ZNF469: variants seen among roughly 807,000 people sequenced by gnomAD.
ZNF469 encodes the protein zinc finger protein 469.
In ZNF469, 1 loss-of-function variant was observed where a neutral mutation model predicts 1.0. The observed-to-expected ratio is 1.00, with a 90% CI of 0.35 to 4.73. ZNF469 has a LOEUF of 4.73. Ranked by LOEUF, ZNF469 falls within the 30% of genes most tolerant of loss-of-function variation. The pLI is 0.16. For synonymous variants in ZNF469, 2,703 were observed against 2,363.4 expected, an observed-to-expected ratio of 1.14 and a Z score of -4.17; for missense variants, 6,100 against 5,356.3, an observed-to-expected ratio of 1.14 and a Z score of -4.33.
the ZNF469 span, among the ~76,000 whole-genome samples, chr16:88,152,834 A>G: frequency 1.3e-5 from 2 of 151,928 alleles, no homozygotes; most frequent in Admixed American, 6.6e-5. This position sits in a 1 kb window ranked among gnomAD's most constrained non-coding sequence, Gnocchi z 4.2. Context: ...TCTGACACAA[A>G]CCGCTGTCTA....
At chr16:88,352,316 C>T in the ZNF469 span, among the ~76,000 whole-genome samples, 1 of 152,222 alleles carries the variant, frequency 6.6e-6, no homozygotes, top group Admixed American at 6.5e-5. Flanking sequence ...AGTAAAGAAG[C>T]TTCATGCCAA....
the ZNF469 span, among the ~76,000 whole-genome samples, chr16:88,172,430 G>A: frequency 1.3e-5 from 2 of 152,206 alleles, no homozygotes; most frequent in Non-Finnish European, 2.9e-5. Flanking sequence ...ATAGCCTAAG[G>A]CTGTTTTGGA....
At chr16:88,412,912 C>G (rs1257907790) in intron 1 of ZNF469, among the ~76,000 whole-genome samples, 1 of 152,224 alleles carries the variant, frequency 6.6e-6, no homozygotes, top group Non-Finnish European at 1.5e-5. Context: ...TGCTCCGTGT[C>G]CTGGCAGCCA....
the ZNF469 span, among the ~76,000 whole-genome samples, chr16:88,324,690 C>T: frequency 4.7e-3 from 710 of 152,226 alleles, 6 homozygotes; most frequent in African/African-American, 0.016. Context: ...TAAGTATGTG[C>T]GAATTAAGGG....
At chr16:88,107,458 G>T in the ZNF469 span, among the ~76,000 whole-genome samples, 1 of 152,204 alleles carries the variant, frequency 6.6e-6, no homozygotes, top group South Asian at 2.1e-4. Flanking sequence ...GAACAGCATG[G>T]AGGAACTGCC....
At chr16:88,333,296 G>A in the ZNF469 span, among the ~76,000 whole-genome samples, 1 of 151,324 alleles carries the variant, frequency 6.6e-6, no homozygotes, top group African/African-American at 2.4e-5. Context: ...CGGAAGAGGG[G>A]CCCATGGGTG....
chr16:88,333,609 C>A, the ZNF469 span, among the ~76,000 whole-genome samples: 6 of 152,296 alleles, frequency 3.9e-5, no homozygotes, highest in South Asian at 4.1e-4. Context: ...AACTTGGAGA[C>A]ATTTCCTTCC....
chr16:88,257,314 A>AGGCG, the ZNF469 span, among the ~76,000 whole-genome samples: 1 of 146,312 alleles, frequency 6.8e-6, no homozygotes, highest in South Asian at 2.2e-4. Flanking sequence ...TTCTTTGGTG[A>AGGCG]GGCGTCATTT....
In ZNF469 at chr16:88,431,786, C is replaced by T. The variant is rs752630858; in HGVS notation, c.4316C>T (p.Thr1439Met). 6.4e-5 allele frequency: 99 copies of T among 1,549,670 alleles called. No homozygotes were observed. In the Middle Eastern group the frequency reaches 6.7e-4, roughly 10 times the overall value. ...AGGAGCCCACCTGGCACCGCTGAGA[C>T]GGAGCCAGGCAGGGCTGCATCGCCA... ...LPRSPPGTAE[T>M]EPGRAASPPT... Residue 1439 changes from threonine (T) to methionine (M), a missense_variant, in exon 3 of 3, where the codon ACG becomes ATG. Transcript: ENST00000565624.
rs753212011 is a variant in ZNF469, at chr16:88,429,213, G to A, written c.1743G>A (p.Pro581=). ...SPHGTPSLPP[P]RVVGASPSES... ...ACGGGACACCCAGCCTGCCCCCACCGAGGGTAGTGGGAGCCTCCCCCAGCG... is the reference window on the plus strand; with the variant it reads ...ACGGGACACCCAGCCTGCCCCCACCAAGGGTAGTGGGAGCCTCCCCCAGCG... The change falls in exon 3 of 3, where the codon CCG becomes CCA. Residue 581 remains proline, a synonymous_variant. Transcript: ENST00000565624. 24 of 1,549,658 alleles carry A rather than the reference G, an allele frequency of 1.5e-5. No individual in the cohort carries two copies. Among genetic ancestry groups the A allele is most frequent in the Middle Eastern group, 3.3e-4 (2 of 6,014 alleles).
chr16:88,327,857 G>A, the ZNF469 span, among the ~76,000 whole-genome samples: 1 of 152,216 alleles, frequency 6.6e-6, no homozygotes, highest in African/African-American at 2.4e-5. Context: ...GAGTTCAGCT[G>A]GGGCCCACAC....
At position 88,437,959 on chromosome 16, in the gene ZNF469, A is replaced by G. The variant is rs1322894864; in HGVS notation, c.10489A>G (p.Ser3497Gly). 3.2e-6 allele frequency: 5 copies of G among 1,544,444 alleles called. No homozygotes were observed. Among genetic ancestry groups the G allele is most frequent in the Non-Finnish European group, 4.4e-6 (5 of 1,144,810 alleles). Residue 3497 changes from serine to glycine, a missense_variant, in exon 3 of 3, where the codon AGC (serine) becomes GGC (glycine). Transcript: ENST00000565624. ...GGACAGGCCTCCTCCCCGGGGAAGC[A>G]GCCCCATCCTGAGTGAGGGCTCTCT... ...GEDRPPPRGS[S>G]PILSEGSLPA...
At chr16:88,341,517 C>G in the ZNF469 span, among the ~76,000 whole-genome samples, 1 of 152,232 alleles carries the variant, frequency 6.6e-6, no homozygotes, top group Non-Finnish European at 1.5e-5. Context: ...CTGACGTAAT[C>G]CCAATTTCCT....
chr16:88,414,689 G>A (rs1387139982), intron 1 of ZNF469, among the ~76,000 whole-genome samples: 3 of 152,244 alleles, frequency 2.0e-5, no homozygotes, highest in Non-Finnish European at 2.9e-5. Flanking sequence ...AGAACAGGCC[G>A]AACCCAGAAG....
At chr16:88,426,952 C>T (rs1385302331) in intron 2 of ZNF469, among the ~76,000 whole-genome samples, 2 of 152,174 alleles carry the variant, frequency 1.3e-5, no homozygotes, top group African/African-American at 4.8e-5. Flanking sequence ...TGCCCTGGGG[C>T]AGTTCCTGCA....
At chr16:88,349,290 G>A in the ZNF469 span, among the ~76,000 whole-genome samples, 3 of 152,068 alleles carry the variant, frequency 2.0e-5, no homozygotes, top group African/African-American at 7.3e-5. Flanking sequence ...GTGACCTTCA[G>A]GTAGCAGCGA....
At chr16:88,127,737 T>C in the ZNF469 span, among the ~76,000 whole-genome samples, 1 of 152,242 alleles carries the variant, frequency 6.6e-6, no homozygotes, top group East Asian at 1.9e-4. Context: ...CTCCTTTCCA[T>C]CTGAATTCTG....
At chr16:88,138,600 A>G in the ZNF469 span, among the ~76,000 whole-genome samples, 1 of 152,232 alleles carries the variant, frequency 6.6e-6, no homozygotes, top group African/African-American at 2.4e-5. Flanking sequence ...ATTTAGAGTC[A>G]TGAAAGGTTG....
chr16:88,363,717 C>A, the ZNF469 span, among the ~76,000 whole-genome samples: 2 of 152,230 alleles, frequency 1.3e-5, no homozygotes, highest in African/African-American at 4.8e-5. Context: ...AGAGTCATCT[C>A]TCAGACCAAA....
Sources: gnomAD v4.1 joint callset for allele counts (sites outside exome capture counted in the v4.1 genomes callset) on GRCh38, gnomAD v4.1.1 for gene constraint, Gnocchi (gnomAD v3.1) non-coding constraint, MANE v1.5 for transcripts, NCBI Gene and HGNC (gene_info 2026-07-23, HGNC 2026-07-21) for gene names.